TNRC6A: variants seen among roughly 807,000 people sequenced by gnomAD.
TNRC6A encodes the protein trinucleotide repeat-containing gene 6A protein.
A neutral mutation model predicts 221.2 loss-of-function variants in TNRC6A; 44 were observed. The ratio of observed to expected loss-of-function variants is 0.20; its 90% CI spans 0.16 to 0.26. The LOEUF (loss-of-function observed/expected upper bound fraction) is 0.26. Among genes scored for constraint, TNRC6A ranks in the 10% least tolerant of loss-of-function variants. The probability of loss-of-function intolerance (pLI) is 1.00; values close to 1 mark genes in which losing one functional copy is unlikely to be tolerated. For missense variants in TNRC6A, 2,199 were observed against 2,404.4 expected (o/e 0.91, Z 1.79); for synonymous variants, 847 against 838.5 (o/e 1.01, Z -0.18).
intron 1 of TNRC6A, among the ~76,000 whole-genome samples, chr16:24,619,426 GC>G (rs1034944928): frequency 2.0e-5 from 3 of 152,138 alleles, no homozygotes; most frequent in Admixed American, 6.6e-5. Context: ...GTTCATTGAG[GC>G]ATAAGTCAAT....
At chr16:24,664,029 A>T (rs1483572526) in intron 2 of TNRC6A, 1 of 443,972 alleles carries the variant, frequency 2.3e-6, no homozygotes, top group Non-Finnish European at 4.6e-6. Flanking sequence ...AGAGAAGGGG[A>T]AATGAAGGTA....
chr16:24,767,535 T>G (rs909341544), intron 4 of TNRC6A, among the ~76,000 whole-genome samples: 10 of 152,324 alleles, frequency 6.6e-5, no homozygotes, highest in African/African-American at 2.4e-4. Context: ...ATCAAATTTA[T>G]TTTTTATTCT....
At chr16:24,663,797 C>T in intron 2 of TNRC6A, 1 of 407,630 alleles carries the variant, frequency 2.5e-6, no homozygotes, top group Non-Finnish European at 4.9e-6. Context: ...AGAGGTCAGG[C>T]TGATACAGCA....
intron 6 of TNRC6A, among the ~76,000 whole-genome samples, chr16:24,792,314 A>G (rs1160099461): frequency 6.6e-6 from 1 of 152,156 alleles, no homozygotes; most frequent in Non-Finnish European, 1.5e-5. Flanking sequence ...TTTCTAGTAT[A>G]TCCTTACTTT....
intron 2 of TNRC6A, among the ~76,000 whole-genome samples, chr16:24,696,347 CAAA>C (rs56696667): frequency 1.5e-4 from 19 of 125,602 alleles, no homozygotes; most frequent in African/African-American, 2.4e-4. Context: ...GACTCCATCT[CAAA>C]AAAAAAAAAA....
intron 4 of TNRC6A, among the ~76,000 whole-genome samples, chr16:24,770,952 T>G (rs542724262): frequency 2.4e-4 from 36 of 152,332 alleles, no homozygotes; most frequent in South Asian, 4.2e-4. Flanking sequence ...ATTTGCCTGT[T>G]TCACTTTTAT....
chr16:24,811,164 C>A (rs1048566406), intron 18 of TNRC6A, among the ~76,000 whole-genome samples: 1 of 152,172 alleles, frequency 6.6e-6, no homozygotes, highest in Non-Finnish European at 1.5e-5. Flanking sequence ...GAACAGGCGA[C>A]GGTCCTGGCA....
At chr16:24,706,335 A>G (rs1000802551) in intron 2 of TNRC6A, among the ~76,000 whole-genome samples, 7 of 152,162 alleles carry the variant, frequency 4.6e-5, no homozygotes, top group Non-Finnish European at 1.0e-4. Context: ...AGCCAGGAAA[A>G]TTTTGAAAAA....
At chr16:24,708,957 C>T (rs1233164481) in intron 2 of TNRC6A, among the ~76,000 whole-genome samples, 9 of 152,128 alleles carry the variant, frequency 5.9e-5, no homozygotes, top group Middle Eastern at 6.8e-3. Flanking sequence ...CTGCCATAAA[C>T]GTAAGTGTGC....
intron 2 of TNRC6A, among the ~76,000 whole-genome samples, chr16:24,659,688 C>A (rs2054988920): frequency 6.6e-6 from 1 of 152,176 alleles, no homozygotes; most frequent in African/African-American, 2.4e-5. Context: ...AGCAATCCTC[C>A]TGTCTTGGCC....
chr16:24,634,920 G>GA (rs1159416011), intron 1 of TNRC6A, among the ~76,000 whole-genome samples: 2 of 151,738 alleles, frequency 1.3e-5, no homozygotes, highest in African/African-American at 2.4e-5. Context: ...TAGCAAGTTG[G>GA]AAAAAAAATC....
chr16:24,794,064 A>G (rs1165167348), intron 7 of TNRC6A, among the ~76,000 whole-genome samples: 1 of 152,220 alleles, frequency 6.6e-6, no homozygotes, highest in African/African-American at 2.4e-5. Flanking sequence ...GATTGAAATT[A>G]ACATTGTCAT....
At chr16:24,628,505 A>G (rs978800455) in intron 1 of TNRC6A, among the ~76,000 whole-genome samples, 4 of 152,126 alleles carry the variant, frequency 2.6e-5, no homozygotes, top group Non-Finnish European at 4.4e-5. Flanking sequence ...CCTCTGCCAC[A>G]TCTGAGACAG....
In TNRC6A at chr16:24,823,068, G is replaced by A. The variant is rs998519191; in HGVS notation, c.5513+55G>A. ...AGAGTCTAGGGGAAGGAGTGTGAGA[G>A]CACAGCCTGACCCGGGGCAGTGCAC... On this transcript the variant is annotated intron_variant, in intron 24 of 24. Coordinates refer to ENST00000395799, the MANE Select transcript of TNRC6A (RefSeq NM_014494.4). The surrounding 1 kb of genome is among the most constrained non-coding windows in gnomAD (Gnocchi z 4.3). 1.2e-6 allele frequency: 2 copies of A among 1,610,898 alleles called. No homozygotes were observed. Among genetic ancestry groups the A allele is most frequent in the Non-Finnish European group, 1.7e-6 (2 of 1,178,096 alleles).
At chr16:24,626,104 C>T (rs1020580014) in intron 1 of TNRC6A, among the ~76,000 whole-genome samples, 3 of 151,496 alleles carry the variant, frequency 2.0e-5, no homozygotes, top group African/African-American at 4.9e-5. Context: ...AGTAAGAATG[C>T]CCTGGTAGTG....
At chr16:24,807,708 G>A (rs2058463846) in intron 17 of TNRC6A, among the ~76,000 whole-genome samples, 2 of 137,136 alleles carry the variant, frequency 1.5e-5, no homozygotes, top group African/African-American at 2.7e-5. Flanking sequence ...GAGCTTATAT[G>A]TTGTTTCTTT....
At chr16:24,773,381 T>C (rs762526192) in intron 4 of TNRC6A, among the ~76,000 whole-genome samples, 3 of 152,260 alleles carry the variant, frequency 2.0e-5, no homozygotes, top group Non-Finnish European at 4.4e-5. Flanking sequence ...ATTTGTGTTA[T>C]GCAGTTGAAA....
At chr16:24,801,517 T>C (rs16974060) in intron 11 of TNRC6A, among the ~76,000 whole-genome samples, 7,197 of 150,142 alleles carry the variant, frequency 0.048, 603 homozygotes, top group East Asian at 0.36. Flanking sequence ...GTGGAAAAAA[T>C]GTAACATGCT....
upstream of TNRC6A, chr16:24,729,602 G>C (rs1443391397): frequency 4.9e-6 from 2 of 409,860 alleles, no homozygotes; most frequent in Non-Finnish European, 8.4e-6. Context: ...TCCATCTTGG[G>C]GGCCAGTGGC....
Sources: allele counts gnomAD v4.1 joint callset (sites outside exome capture counted in the v4.1 genomes callset), GRCh38; gene constraint gnomAD v4.1.1; non-coding constraint Gnocchi (gnomAD v3.1); transcripts MANE v1.5; gene names NCBI Gene and HGNC (gene_info 2026-07-23, HGNC 2026-07-21).